Variants in NPAS3 observed in about 807,000 individuals in gnomAD.
The protein encoded by NPAS3 is neuronal PAS domain-containing protein 3.
In NPAS3, 14 loss-of-function variants were observed where a neutral mutation model predicts 73.1. That is an observed-to-expected ratio of 0.19 (90% CI 0.13 to 0.30). The LOEUF (loss-of-function observed/expected upper bound fraction) is 0.30. Ranked by LOEUF, NPAS3 falls within the 10% of genes least tolerant of loss-of-function variation. The pLI is 1.00. For missense variants in NPAS3, 1,096 were observed against 1,250.0 expected (o/e 0.88, Z 1.86); for synonymous variants, 620 against 541.5 (o/e 1.14, Z -2.01).
rs542501529 is a variant in NPAS3 at position 33,083,954 on chromosome 14, C to T, written c.140+27960C>T. On this transcript the variant is annotated intron_variant, in intron 2 of 11. Transcript: ENST00000356141. ...ACTATCATTTCCTTGATCATCTCAT[C>T]CTTTAAGTAATGCAGGAATGAAAGC... 1.8e-3 allele frequency among the ~76,000 whole-genome samples: 267 copies of T among 152,268 alleles called. 2 individuals carry two copies. The highest frequency in any genetic ancestry group is 6.2e-3 in the African/African-American group (256 of 41,550).
At chr14:32,958,997 TA>T (rs5807695) in intron 1 of NPAS3, among the ~76,000 whole-genome samples, 45,735 of 151,990 alleles carry the variant, frequency 0.3, 7,405 homozygotes, top group African/African-American at 0.4. Flanking sequence ...TAAAATACAC[TA>T]ATAATAACGA....
intron 5 of NPAS3, among the ~76,000 whole-genome samples, chr14:33,579,558 T>C (rs1348917039): frequency 2.6e-5 from 4 of 152,224 alleles, no homozygotes; most frequent in African/African-American, 9.6e-5. Context: ...AGAATCAATG[T>C]ACTCCCCATT....
chr14:33,800,193 G>A lies in NPAS3; in HGVS notation c.1886G>A (p.Gly629Asp), dbSNP rs1204164850. 6.2e-7 allele frequency: 1 copy of A among 1,611,706 alleles called. No individual in the cohort carries two copies. The highest frequency in any genetic ancestry group is 2.2e-5 in the East Asian group (1 of 44,802). ...TCGAGCCCAGGCGGCCTGGACGCGG[G>A]CCTGGTGGAGCCCCCGCGGCTGCTG... The change falls in exon 12 of 12, where the codon GGC becomes GAC. Residue 629 changes from glycine (G) to aspartate (D), a missense_variant. Gly to Asp is a moderately conservative substitution (Grantham distance 94, BLOSUM62 -1). Coordinates refer to ENST00000356141, the Ensembl canonical transcript of NPAS3. This position sits in a 1 kb window ranked among gnomAD's most constrained non-coding sequence, Gnocchi z 6.5.
chr14:33,801,391 A>G (rs1402571402), downstream of NPAS3: 1 of 484,930 alleles, frequency 2.1e-6, no homozygotes, highest in Non-Finnish European at 3.6e-6. Context: ...CATCTTTATT[A>G]AGATGTCTTT....
intron 1 of NPAS3, among the ~76,000 whole-genome samples, chr14:32,939,979 C>T (rs558836610): frequency 6.6e-6 from 1 of 152,332 alleles, no homozygotes; most frequent in Non-Finnish European, 1.5e-5. Context: ...CCCTGCCTCC[C>T]GGGCTGCGCC....
chr14:33,395,134 T>A (rs1281834475), intron 4 of NPAS3, among the ~76,000 whole-genome samples: 1 of 152,184 alleles, frequency 6.6e-6, no homozygotes, highest in Admixed American at 6.6e-5. Flanking sequence ...GAAGTAGTGT[T>A]GGTTTTTCTA....
rs912970795 is a variant in NPAS3 at position 33,022,009 on chromosome 14, A to G, written c.51-33896A>G. Among the ~76,000 whole-genome samples, 102 of 152,174 alleles carry G rather than the reference A, an allele frequency of 6.7e-4. 1 individual carries two copies. The highest frequency in any genetic ancestry group is 2.2e-3 in the African/African-American group (91 of 41,414). ...GGTTAGGTGGTGTGGCTGAAGTCGC[A>G]GGCTGGACATTCCAACCTGCATCTG... On this transcript the variant is annotated intron_variant, in intron 1 of 11. Transcript: ENST00000356141.
At chr14:33,801,248 C>T (rs2063709574), downstream of NPAS3, 1 of 1,441,778 alleles carries the variant, frequency 6.9e-7, no homozygotes, top group Non-Finnish European at 9.1e-7. Context: ...CATTCCACCC[C>T]CTCTTTCTTT....
intron 3 of NPAS3, among the ~76,000 whole-genome samples, chr14:33,260,047 C>T (rs1218271946): frequency 1.3e-5 from 2 of 151,976 alleles, no homozygotes; most frequent in South Asian, 2.1e-4. Flanking sequence ...TGCATGCAGC[C>T]GGCATTTTGT....
chr14:33,577,731 A>C (rs144615807), intron 5 of NPAS3, among the ~76,000 whole-genome samples: 1 of 152,238 alleles, frequency 6.6e-6, no homozygotes, highest in Non-Finnish European at 1.5e-5. Flanking sequence ...AAAATATCCC[A>C]GTAAATAGTG....
intron 4 of NPAS3, among the ~76,000 whole-genome samples, chr14:33,407,918 C>T (rs779954273): frequency 1.3e-5 from 2 of 152,122 alleles, no homozygotes; most frequent in Non-Finnish European, 2.9e-5. Context: ...TCCAATAATT[C>T]TCTCACGTAG....
At chr14:33,570,230 T>G (rs1040457212) in intron 5 of NPAS3, among the ~76,000 whole-genome samples, 4 of 152,206 alleles carry the variant, frequency 2.6e-5, no homozygotes, top group Non-Finnish European at 4.4e-5. Context: ...CTTTTTAAGA[T>G]CGCTCCTAGT....
chr14:33,685,995 T>C (rs1485058192), intron 6 of NPAS3, among the ~76,000 whole-genome samples: 1 of 152,192 alleles, frequency 6.6e-6, no homozygotes, highest in African/African-American at 2.4e-5. Context: ...ATTATTATCA[T>C]AGACTATTTA....
intron 4 of NPAS3, among the ~76,000 whole-genome samples, chr14:33,486,276 T>C (rs1225286293): frequency 6.6e-6 from 1 of 152,044 alleles, no homozygotes; most frequent in Non-Finnish European, 1.5e-5. Context: ...TGTCCCCAAA[T>C]TTCTGCTGTA....
intron 5 of NPAS3, among the ~76,000 whole-genome samples, chr14:33,646,921 A>C (rs1390017441): frequency 6.6e-6 from 1 of 152,184 alleles, no homozygotes; most frequent in Non-Finnish European, 1.5e-5. Context: ...TGACTCAGGC[A>C]GCAAAGATTA....
intron 7 of NPAS3, among the ~76,000 whole-genome samples, chr14:33,745,311 T>C (rs1007146254): frequency 6.6e-6 from 1 of 152,178 alleles, no homozygotes; most frequent in Non-Finnish European, 1.5e-5. Flanking sequence ...AAGGAATGTA[T>C]GTTACCGTTT....
At chr14:33,131,091 A>G (rs1196252037) in intron 2 of NPAS3, among the ~76,000 whole-genome samples, 1 of 152,076 alleles carries the variant, frequency 6.6e-6, no homozygotes, top group African/African-American at 2.4e-5. Context: ...GTTGTCCTCT[A>G]CTTGTCAGTA....
chr14:33,774,570 C>A, intron 8 of NPAS3, 40 bp downstream of exon 8: 1 of 1,520,376 alleles, frequency 6.6e-7, no homozygotes, highest in Non-Finnish European at 9.1e-7. Flanking sequence ...TTGCACGTTG[C>A]ACATTGGTGA....
At chr14:33,789,881 G>A (rs553865723) in intron 9 of NPAS3, among the ~76,000 whole-genome samples, 56 of 152,224 alleles carry the variant, frequency 3.7e-4, no homozygotes, top group Non-Finnish European at 6.2e-4. Flanking sequence ...GAGCCACCGC[G>A]CCCGGCCTAG....
Sources: allele counts gnomAD v4.1 joint callset (sites outside exome capture counted in the v4.1 genomes callset), GRCh38; gene constraint gnomAD v4.1.1; non-coding constraint Gnocchi (gnomAD v3.1); transcripts MANE v1.5; gene names NCBI Gene and HGNC (gene_info 2026-07-23, HGNC 2026-07-21).